Variants in ABHD17B observed in about 807,000 individuals in gnomAD.
ABHD17B encodes the protein abhydrolase domain containing 17B, depalmitoylase, also known as alpha/beta hydrolase domain-containing protein 17B.
Under a neutral mutation model 26.2 loss-of-function variants are expected in ABHD17B, and 9 were observed. The ratio of observed to expected loss-of-function variants is 0.34; its 90% CI spans 0.21 to 0.60. The LOEUF (loss-of-function observed/expected upper bound fraction) is 0.60. Among genes scored for constraint, ABHD17B ranks in the 20% least tolerant of loss-of-function variants. The pLI is 0.80. For missense variants in ABHD17B, 224 were observed against 352.1 expected (o/e 0.64, Z 2.91); for synonymous variants, 127 against 122.3 (o/e 1.04, Z -0.25).
intron 1 of ABHD17B, among the ~76,000 whole-genome samples, chr9:71,893,865 G>C (rs1367253481): frequency 6.6e-6 from 1 of 152,140 alleles, no homozygotes; most frequent in Admixed American, 6.5e-5. Flanking sequence ...CAAGGCGGGT[G>C]GATCACAAGG....
At chr9:71,873,368 G>GA (rs1433157970) in intron 2 of ABHD17B, among the ~76,000 whole-genome samples, 1 of 151,774 alleles carries the variant, frequency 6.6e-6, no homozygotes, top group Non-Finnish European at 1.5e-5. Context: ...GACATAGTAA[G>GA]AAAATTTTAT....
intron 1 of ABHD17B, among the ~76,000 whole-genome samples, chr9:71,909,837 T>C (rs1230592443): frequency 6.6e-6 from 1 of 152,150 alleles, no homozygotes; most frequent in Non-Finnish European, 1.5e-5. Flanking sequence ...CTTCTGGCAT[T>C]GGCAGAGATC....
chr9:71,865,616 G>C lies in ABHD17B; in HGVS notation c.*1171C>G. ...CGCAGTGGCTCATGCCTGTAATTCC[G>C]ACACTTTGGGAGGCCAAGGGCAGAT... is the stretch of plus-strand genomic sequence containing the variant. On this transcript the variant is annotated 3_prime_UTR_variant, in exon 4 of 4. Coordinates refer to ENST00000333421, the MANE Select transcript of ABHD17B (RefSeq NM_001025780.3). 4.1e-6 allele frequency: 4 copies of C among 966,876 alleles called. No homozygotes were observed. The highest frequency in any genetic ancestry group is 4.9e-6 in the Non-Finnish European group (4 of 813,288). The allele number at this position is 966,876 out of a possible 1,614,324, so 59.9% of individuals were successfully genotyped here. A position where few individuals can be genotyped will look rare whatever the true frequency, so the allele number is the denominator to read the frequency against.
chr9:71,872,414 TAAAAG>T lies in ABHD17B; in HGVS notation c.468-2157_468-2153del, dbSNP rs531564934. On this transcript the variant is annotated intron_variant, in intron 2 of 3. Transcript: ENST00000333421. ...TCTTCAAATTGGTAAATGCCAAGAT[TAAAAG>T]AAAAGAAAAGAAAAAAACAGTAAAG... Among the ~76,000 whole-genome samples the T allele has an allele frequency of 3.8e-3, 585 of 152,150 alleles. 3 individuals are homozygous for T. The highest frequency in any genetic ancestry group is 0.013 in the African/African-American group (527 of 41,526).
At chr9:71,897,027 T>G (rs1035928092) in intron 1 of ABHD17B, among the ~76,000 whole-genome samples, 12 of 152,194 alleles carry the variant, frequency 7.9e-5, no homozygotes, top group African/African-American at 2.9e-4. Context: ...GGTCTCTCAT[T>G]GGAGACACAT....
chr9:71,869,071 A>G (rs528776226), intron 3 of ABHD17B, among the ~76,000 whole-genome samples: 2 of 152,218 alleles, frequency 1.3e-5, no homozygotes, highest in Non-Finnish European at 2.9e-5. Context: ...GTTGACAACA[A>G]CACTGATATG....
rs570163084 is a variant in ABHD17B, at chr9:71,885,795, T to C, written c.-3-10712A>G. ...TGACTCCTGTCAATTTTTGACATAA[T>C]AACAATTTACTAGGGGAAAAAAAAT... On this transcript the variant is annotated intron_variant, in intron 1 of 3. Coordinates refer to ENST00000333421, the MANE Select transcript of ABHD17B (RefSeq NM_001025780.3). 1.5e-4 allele frequency among the ~76,000 whole-genome samples: 23 copies of C among 152,268 alleles called. No homozygotes were observed. The South Asian group carries it at 4.6e-3, about 30-fold the overall frequency.
chr9:71,877,527 C>T (rs1374383131), intron 1 of ABHD17B, among the ~76,000 whole-genome samples: 2 of 152,240 alleles, frequency 1.3e-5, no homozygotes, highest in Non-Finnish European at 2.9e-5. Context: ...AAGTGATTCT[C>T]CTGCCTCAGC....
chr9:71,903,204 T>C (rs1589232697), intron 1 of ABHD17B, among the ~76,000 whole-genome samples: 1 of 152,108 alleles, frequency 6.6e-6, no homozygotes, highest in African/African-American at 2.4e-5. Context: ...TTTTCACTGA[T>C]AGATAATATT....
At chr9:71,879,555 G>A (rs1452885018) in intron 1 of ABHD17B, among the ~76,000 whole-genome samples, 6 of 152,116 alleles carry the variant, frequency 3.9e-5, no homozygotes, top group Non-Finnish European at 8.8e-5. Context: ...CATTACAAAA[G>A]TCTAGCTTTA....
chr9:71,889,462 T>C (rs967428726), intron 1 of ABHD17B, among the ~76,000 whole-genome samples: 5 of 152,168 alleles, frequency 3.3e-5, no homozygotes, highest in Admixed American at 2.6e-4. Flanking sequence ...GAGGTTTATA[T>C]TGGGAAAACC....
chr9:71,870,773 AG>A (rs1429613141), intron 2 of ABHD17B, among the ~76,000 whole-genome samples: 3 of 152,208 alleles, frequency 2.0e-5, no homozygotes, highest in African/African-American at 7.2e-5. Flanking sequence ...GTTTTAGTAA[AG>A]GGCAAATTAT....
chr9:71,902,110 C>A (rs1434402731), intron 1 of ABHD17B, among the ~76,000 whole-genome samples: 1 of 152,140 alleles, frequency 6.6e-6, no homozygotes, highest in African/African-American at 2.4e-5. Context: ...CTCCCCAACT[C>A]ATCACTCCCC....
At position 71,873,558 on chromosome 9, in the gene ABHD17B, C is replaced by T. The variant is rs888661550; in HGVS notation, c.467+1056G>A. ...GATTACAGGCACCCGCCACTGTGCC[C>T]GGCTAATTTTCGTATTTTTAGTAGA... On this transcript the variant is annotated intron_variant, in intron 2 of 3. Coordinates refer to ENST00000333421, the MANE Select transcript of ABHD17B (RefSeq NM_001025780.3). Among the ~76,000 whole-genome samples the T allele has an allele frequency of 7.9e-5, 12 of 152,080 alleles. 1 individual carries two copies. The highest frequency in any genetic ancestry group is 4.4e-5 in the Non-Finnish European group (3 of 68,026).
rs1398308680 is a variant in ABHD17B, at chr9:71,876,453, G to A, written c.-3-1370C>T. 2.0e-5 allele frequency among the ~76,000 whole-genome samples: 3 copies of A among 152,130 alleles called. No individual in the cohort carries two copies. In the East Asian group the frequency reaches 5.8e-4, roughly 29 times the overall value. On this transcript the variant is annotated intron_variant, in intron 1 of 3. Coordinates refer to ENST00000333421, the MANE Select transcript of ABHD17B (RefSeq NM_001025780.3). The stretch of plus-strand genomic sequence containing the variant: ...ACTTTAACTTAGGGACAAAAATAAA[G>A]TAATACTTGTTAGTTCTATCAGTAT...
intron 1 of ABHD17B, among the ~76,000 whole-genome samples, chr9:71,883,065 C>A (rs1247640328): frequency 2.0e-5 from 3 of 152,052 alleles, no homozygotes; most frequent in African/African-American, 7.2e-5. Flanking sequence ...ATCGTTTGAA[C>A]CTGGGAGGCG....
downstream of ABHD17B, among the ~76,000 whole-genome samples, chr9:71,863,339 A>G (rs1310118413): frequency 6.6e-6 from 1 of 152,202 alleles, no homozygotes; most frequent in Non-Finnish European, 1.5e-5. Context: ...TTATTATTCA[A>G]TTAGTTCCAT....
At position 71,875,100 on chromosome 9, in the gene ABHD17B, G is replaced by A. The variant is rs764958687; in HGVS notation, c.-3-17C>T. The A allele has an allele frequency of 1.3e-6, 2 of 1,569,930 alleles. No individual in the cohort carries two copies. The highest frequency in any genetic ancestry group is 2.3e-5 in the East Asian group (1 of 44,342). ...ATTCATGCTCTGAAAAAGAAAAGGA[G>A]ATAGCAAATATTTTAATAACTGAAT... On this transcript the variant is annotated splice_polypyrimidine_tract_variant and intron_variant, in intron 1 of 3. Transcript: ENST00000333421.
intron 2 of ABHD17B, among the ~76,000 whole-genome samples, chr9:71,872,532 T>A (rs1439993947): frequency 2.0e-5 from 3 of 152,154 alleles, no homozygotes; most frequent in Non-Finnish European, 4.4e-5. Context: ...AAGTGACCCT[T>A]TTGCGTTACT....
Sources: allele counts gnomAD v4.1 joint callset (sites outside exome capture counted in the v4.1 genomes callset), GRCh38; gene constraint gnomAD v4.1.1; transcripts MANE v1.5; gene names NCBI Gene and HGNC (gene_info 2026-07-23, HGNC 2026-07-21).